Variants in TOM1L2 observed in about 807,000 individuals in gnomAD.
The protein encoded by TOM1L2 is target of myb1 like 2 membrane trafficking protein.
In TOM1L2, 31 loss-of-function variants were observed where a neutral mutation model predicts 67.9. The ratio of observed to expected loss-of-function variants is 0.46; its 90% CI spans 0.34 to 0.62. The LOEUF (loss-of-function observed/expected upper bound fraction) is 0.62, where lower values mean the gene tolerates loss of function less well. TOM1L2 is among the 20% of genes least tolerant of loss of function. The pLI, the probability that TOM1L2 is intolerant of heterozygous loss-of-function variation, is 0.01. For synonymous variants in TOM1L2, 256 were observed against 254.0 expected, an observed-to-expected ratio of 1.01 and a Z score of -0.07; for missense variants, 606 against 663.5, an observed-to-expected ratio of 0.91 and a Z score of 0.95.
intron 2 of TOM1L2, among the ~76,000 whole-genome samples, chr17:17,901,873 G>A (rs2038872852): frequency 6.6e-6 from 1 of 152,166 alleles, no homozygotes; most frequent in South Asian, 2.1e-4. Flanking sequence ...CTGAGGTGAG[G>A]CCTGGAAAAC....
rs776559462 is a variant in TOM1L2, at chr17:17,882,766, T to C, written c.599A>G (p.Tyr200Cys). 6.2e-7 allele frequency: 1 copy of C among 1,613,580 alleles called. No individual in the cohort carries two copies. The highest frequency in any genetic ancestry group is 8.5e-7 in the Non-Finnish European group (1 of 1,179,904). ...GSYSSPPPAPYSAPQAPALSV... is the reference protein window; with the variant it reads ...GSYSSPPPAPCSAPQAPALSV... ...CAGAGCTGGGGCCTGCGGTGCGGAG[T>C]AGGGAGCAGGAGGCGGCGAGGAATA... is the stretch of plus-strand genomic sequence containing the variant. The change falls in exon 6 of 15, where the codon TAC (tyrosine) becomes TGC (cysteine). Residue 200 changes from tyrosine (Y) to cysteine (C), a missense_variant. Tyr to Cys is a radical substitution (Grantham distance 194, BLOSUM62 -2). This residue lies in a region of TOM1L2 where 543 missense variants were observed against 554.0 expected (regional missense o/e 0.98). Coordinates refer to ENST00000379504, the MANE Select transcript of TOM1L2 (RefSeq NM_001082968.2).
At chr17:17,862,474 C>A (rs1349239674) in intron 11 of TOM1L2, 3 of 397,888 alleles carry the variant, frequency 7.5e-6, no homozygotes, top group Non-Finnish European at 1.4e-5. Context: ...CTGTCTCTTA[C>A]AACTGACAGG....
intron 1 of TOM1L2, among the ~76,000 whole-genome samples, chr17:17,916,516 T>C (rs189649689): frequency 1.3e-5 from 2 of 152,330 alleles, no homozygotes; most frequent in African/African-American, 4.8e-5. Flanking sequence ...GCACCATTTG[T>C]TGAAAAGACT....
At chr17:17,902,352 A>G (rs1444027306) in intron 2 of TOM1L2, among the ~76,000 whole-genome samples, 1 of 152,210 alleles carries the variant, frequency 6.6e-6, no homozygotes, top group Non-Finnish European at 1.5e-5. Flanking sequence ...GCAGTTTACC[A>G]ATCTGCACCC....
chr17:17,865,738 CTTTCT>C (rs2036810167), intron 10 of TOM1L2, among the ~76,000 whole-genome samples: 1 of 140,784 alleles, frequency 7.1e-6, no homozygotes, highest in Non-Finnish European at 1.5e-5. Flanking sequence ...GGCAGGTGAC[CTTTCT>C]TTTTTTTTTT....
At chr17:17,896,346 A>G (rs1463842314) in intron 3 of TOM1L2, among the ~76,000 whole-genome samples, 1 of 152,136 alleles carries the variant, frequency 6.6e-6, no homozygotes, top group Non-Finnish European at 1.5e-5. Context: ...GGGGAAGAGA[A>G]TTGGAAAAAC....
chr17:17,967,270 C>T (rs1358568273), intron 1 of TOM1L2, among the ~76,000 whole-genome samples: 1 of 152,312 alleles, frequency 6.6e-6, no homozygotes, highest in Non-Finnish European at 1.5e-5. Flanking sequence ...TAAAGCAGAA[C>T]AATGAAGAGA....
At chr17:17,945,576 C>T (rs1338371662) in intron 1 of TOM1L2, among the ~76,000 whole-genome samples, 1 of 152,202 alleles carries the variant, frequency 6.6e-6, no homozygotes, top group African/African-American at 2.4e-5. Context: ...CTTCATTAAA[C>T]TTCCTTATCA....
chr17:17,866,838 G>A (rs1267078448), intron 9 of TOM1L2, 38 bp downstream of exon 9: 1 of 1,597,962 alleles, frequency 6.3e-7, no homozygotes, highest in Non-Finnish European at 8.6e-7. Flanking sequence ...GGGTAGGTCT[G>A]GCCTCAGGAG....
chr17:17,944,013 G>A (rs1240382401), intron 1 of TOM1L2, among the ~76,000 whole-genome samples: 3 of 152,230 alleles, frequency 2.0e-5, no homozygotes, highest in African/African-American at 7.2e-5. Context: ...GCCCCTCTCA[G>A]TGCATGCTGC....
chr17:17,863,019 G>T (rs890289145), intron 10 of TOM1L2, among the ~76,000 whole-genome samples, 171 bp from the exon 11 acceptor site: 9 of 152,296 alleles, frequency 5.9e-5, no homozygotes, highest in African/African-American at 2.2e-4. Context: ...GAGCCAGGGC[G>T]GGCCAGATGG....
chr17:17,912,931 C>G (rs966554484), intron 1 of TOM1L2, among the ~76,000 whole-genome samples: 2 of 152,256 alleles, frequency 1.3e-5, no homozygotes, highest in African/African-American at 4.8e-5. Context: ...CGTCTGCAAT[C>G]CCGGCACCTC....
intron 1 of TOM1L2, among the ~76,000 whole-genome samples, chr17:17,969,622 C>A (rs950194820): frequency 2.0e-5 from 3 of 152,110 alleles, no homozygotes; most frequent in Non-Finnish European, 1.5e-5. Flanking sequence ...TTTAGTCAAG[C>A]ATCTTATGAG....
chr17:17,867,454 C>T (rs906041331), intron 8 of TOM1L2, among the ~76,000 whole-genome samples: 5 of 152,092 alleles, frequency 3.3e-5, no homozygotes, highest in Admixed American at 1.3e-4. Flanking sequence ...GGCCAGTCAT[C>T]GAAGGACTGC....
intron 10 of TOM1L2, 148 bp from the exon 11 acceptor site, chr17:17,862,996 C>T: frequency 3.0e-6 from 2 of 656,616 alleles, no homozygotes; most frequent in Non-Finnish European, 5.3e-6. Flanking sequence ...TCCCAGTGCA[C>T]CACATGCCGG....
intron 2 of TOM1L2, among the ~76,000 whole-genome samples, chr17:17,904,812 G>GC (rs11386510): frequency 0.056 from 8,584 of 152,116 alleles, 687 homozygotes; most frequent in African/African-American, 0.18. Context: ...GCCACCCTTG[G>GC]CTACGGGACA....
intron 1 of TOM1L2, among the ~76,000 whole-genome samples, chr17:17,970,324 A>G (rs910783470): frequency 1.3e-5 from 2 of 152,048 alleles, no homozygotes; most frequent in African/African-American, 4.8e-5. Context: ...TCAACCTCCC[A>G]AAGTGCTGAG....
At position 17,869,425 on chromosome 17, in the gene TOM1L2, T is replaced by C; in HGVS notation, c.826A>G (p.Ile276Val). 6.2e-7 allele frequency: 1 copy of C among 1,613,558 alleles called. No homozygotes were observed. Among genetic ancestry groups the C allele is most frequent in the Non-Finnish European group, 8.5e-7 (1 of 1,179,970 alleles). ...RAMQQRIVELISRVSNEEVTE... is the reference protein window; with the variant it reads ...RAMQQRIVELVSRVSNEEVTE... ...ACCTCCTCATTGGACACGCGGGAGA[T>C]GAGCTCCACGATGCGCTGCTGCATG... Residue 276 changes from isoleucine to valine, a missense_variant, in exon 8 of 15, where the codon ATC becomes GTC. By Grantham distance (29) the Ile-to-Val change is conservative. Around this residue, in one of 2 missense-constraint regions of TOM1L2, gnomAD observed 543 missense variants for 554.0 expected, o/e 0.98. Coordinates refer to ENST00000379504, the MANE Select transcript of TOM1L2 (RefSeq NM_001082968.2).
chr17:17,917,196 G>T (rs781749023), intron 1 of TOM1L2, among the ~76,000 whole-genome samples: 43 of 151,928 alleles, frequency 2.8e-4, no homozygotes, highest in Non-Finnish European at 5.4e-4. Context: ...GCTGGGCGTG[G>T]TGGCGCACAC....
Sources: gnomAD v4.1 joint callset for allele counts (sites outside exome capture counted in the v4.1 genomes callset) on GRCh38, gnomAD v4.1.1 for gene constraint, gnomAD v4.1.1 regional missense constraint, MANE v1.5 for transcripts, NCBI Gene and HGNC (gene_info 2026-07-23, HGNC 2026-07-21) for gene names.